The following ARPP21 variants were observed in gnomAD, a reference collection of about 807,000 sequenced individuals.
ARPP21 encodes the protein cAMP-regulated phosphoprotein 21.
Under a neutral mutation model 113.2 loss-of-function variants are expected in ARPP21, and 69 were observed. The observed-to-expected ratio is 0.61, with a 90% CI of 0.50 to 0.74. ARPP21 has a LOEUF of 0.74. Ranked by LOEUF, ARPP21 falls within the 30% of genes least tolerant of loss-of-function variation. The pLI is 0.00. For synonymous variants in ARPP21, 368 were observed against 375.5 expected (o/e 0.98, Z 0.23); for missense variants, 1,070 against 1,037.4 (o/e 1.03, Z -0.43).
intron 19 of ARPP21, among the ~76,000 whole-genome samples, chr3:35,762,235 C>A (rs1007975349): frequency 2.6e-5 from 4 of 151,422 alleles, no homozygotes; most frequent in South Asian, 4.2e-4. Context: ...CAAATATTTT[C>A]AATTAAAATT....
At chr3:35,657,702 A>G (rs1343941426) in intron 1 of ARPP21, among the ~76,000 whole-genome samples, 1 of 152,066 alleles carries the variant, frequency 6.6e-6, no homozygotes. Flanking sequence ...GTCCATGCAG[A>G]TAGTCTCAGT....
intron 1 of ARPP21, among the ~76,000 whole-genome samples, chr3:35,670,323 T>C (rs1303039002): frequency 1.3e-5 from 2 of 151,992 alleles, no homozygotes; most frequent in African/African-American, 2.4e-5. Flanking sequence ...TAGTCTTGAA[T>C]GTAGTTACAT....
At chr3:35,717,427 G>C (rs1348865826) in intron 13 of ARPP21, 70 bp downstream of exon 13, 3 of 916,950 alleles carry the variant, frequency 3.3e-6, no homozygotes, top group African/African-American at 3.3e-5. Context: ...TTAAATATTA[G>C]TGTACTCGTG....
At chr3:35,670,927 A>G (rs1027659642) in intron 1 of ARPP21, among the ~76,000 whole-genome samples, 5 of 152,154 alleles carry the variant, frequency 3.3e-5, no homozygotes, top group Admixed American at 6.6e-5. Context: ...TAGTGCTGGC[A>G]TTCTTCATCT....
intron 1 of ARPP21, among the ~76,000 whole-genome samples, chr3:35,667,840 C>CGAAGAAGA (rs1360115068): frequency 0.034 from 2,256 of 66,562 alleles, 74 homozygotes; most frequent in Admixed American, 0.038. Flanking sequence ...CTTTTATTCT[C>CGAAGAAGA]AAAGAAGAAG....
At chr3:35,749,673 G>C (rs1362383344) in intron 19 of ARPP21, among the ~76,000 whole-genome samples, 1 of 151,974 alleles carries the variant, frequency 6.6e-6, no homozygotes, top group Non-Finnish European at 1.5e-5. Flanking sequence ...GAGATTTTCA[G>C]AAACATTTTT....
chr3:35,726,948 C>G (rs2093580829), intron 14 of ARPP21, among the ~76,000 whole-genome samples: 1 of 152,202 alleles, frequency 6.6e-6, no homozygotes, highest in Admixed American at 6.5e-5. Flanking sequence ...AAATTATACA[C>G]AGCAGGTCCA....
chr3:35,758,939 A>T (rs1318182186), intron 19 of ARPP21, among the ~76,000 whole-genome samples: 1 of 152,006 alleles, frequency 6.6e-6, no homozygotes, highest in Admixed American at 6.6e-5. Context: ...GTGGATTTTA[A>T]GTAACTGATA....
intron 20 of ARPP21, 91 bp downstream of exon 20, chr3:35,792,621 C>A: frequency 8.8e-7 from 1 of 1,138,176 alleles, no homozygotes; most frequent in Non-Finnish European, 1.3e-6. Flanking sequence ...GGGTGGCTGG[C>A]TGGGTAATGC....
chr3:35,649,413 C>T (rs1701524483), intron 1 of ARPP21, among the ~76,000 whole-genome samples: 1 of 152,172 alleles, frequency 6.6e-6, no homozygotes, highest in African/African-American at 2.4e-5. Context: ...TGACTACAAA[C>T]ATTACTTTTC....
chr3:35,744,803 T>C (rs1304864487), intron 19 of ARPP21, among the ~76,000 whole-genome samples: 1 of 152,226 alleles, frequency 6.6e-6, no homozygotes, highest in Non-Finnish European at 1.5e-5. Context: ...GCACTGAATC[T>C]ATGTTATGCA....
chr3:35,703,039 C>T (rs957290370), intron 9 of ARPP21, among the ~76,000 whole-genome samples: 7 of 151,844 alleles, frequency 4.6e-5, no homozygotes, highest in Middle Eastern at 6.8e-3. Context: ...TTGGTAACCA[C>T]CTTTCAGTTA....
At chr3:35,774,901 C>T (rs1039629689) in intron 19 of ARPP21, 1 of 152,066 alleles carries the variant, frequency 6.6e-6, no homozygotes, top group African/African-American at 2.4e-5. Flanking sequence ...TGTCCTTGAT[C>T]AATAATTTTT....
chr3:35,770,621 G>T (rs962039407), intron 19 of ARPP21, among the ~76,000 whole-genome samples: 3 of 152,184 alleles, frequency 2.0e-5, no homozygotes, highest in Non-Finnish European at 4.4e-5. Context: ...AGTTTTCATT[G>T]GTGGGCAGTG....
At chr3:35,741,334 C>T (rs2094644041) in intron 18 of ARPP21, among the ~76,000 whole-genome samples, 1 of 152,140 alleles carries the variant, frequency 6.6e-6, no homozygotes, top group Non-Finnish European at 1.5e-5. Context: ...CATTTATGAA[C>T]TTCTTTTTGA....
At chr3:35,688,430 A>G (rs1236042377) in intron 6 of ARPP21, among the ~76,000 whole-genome samples, 2 of 151,590 alleles carry the variant, frequency 1.3e-5, no homozygotes, top group African/African-American at 2.4e-5. Context: ...ACCCACTTCT[A>G]CTTCAATAAA....
In ARPP21 at chr3:35,791,646, C is replaced by T. The variant is rs184087614; in HGVS notation, c.2138-736C>T. Among the ~76,000 whole-genome samples, 798 of 152,224 alleles carry T rather than the reference C, an allele frequency of 5.2e-3. 11 individuals carry two copies. The highest frequency in any genetic ancestry group is 0.018 in the African/African-American group (755 of 41,550). On this transcript the variant is annotated intron_variant, in intron 19 of 20. Coordinates refer to ENST00000684406, the MANE Select transcript of ARPP21 (RefSeq NM_001385562.1). ...AAAAAGACAAATGAAGGCTAACAAA[C>T]TGACCCACCCAGAAAGACATGAACA...
At chr3:35,761,681 T>C (rs1390376743) in intron 19 of ARPP21, among the ~76,000 whole-genome samples, 1 of 152,082 alleles carries the variant, frequency 6.6e-6, no homozygotes, top group Non-Finnish European at 1.5e-5. Flanking sequence ...TATTCAATGG[T>C]GAAAAGTGGA....
In ARPP21 at chr3:35,667,885, A is replaced by AGAAGAAGAAGAAGAAGAG. The variant is rs777434867; in HGVS notation, c.-212-11897_-212-11896insAGAAGAAGAAGAGGAAGA. Among the ~76,000 whole-genome samples the AGAAGAAGAAGAAGAAGAG allele has an allele frequency of 7.6e-3, 740 of 97,670 alleles. 54 individuals carry two copies. The highest frequency in any genetic ancestry group is 0.022 in the Admixed American group (201 of 9,214). 64.1% of individuals were successfully genotyped at this position (97,670 alleles called of 152,430 possible). On this transcript the variant is annotated intron_variant, in intron 1 of 20. Transcript: ENST00000684406. ...AAGAAGAAGAAGAAGAAGAAGAAGA[A>AGAAGAAGAAGAAGAAGAG]GAAGAGGAAGAGGAAGAGGAAGAGG...
Sources: gnomAD v4.1 joint callset for allele counts (sites outside exome capture counted in the v4.1 genomes callset) on GRCh38, gnomAD v4.1.1 for gene constraint, MANE v1.5 for transcripts, NCBI Gene and HGNC (gene_info 2026-07-23, HGNC 2026-07-21) for gene names.